Variants in STK32C observed in about 807,000 individuals in gnomAD.
STK32C encodes serine/threonine kinase 32C.
A neutral mutation model predicts 56.5 loss-of-function variants in STK32C; 31 were observed. The ratio of observed to expected loss-of-function variants is 0.55; its 90% CI spans 0.41 to 0.74. The LOEUF is 0.74. Among genes scored for constraint, STK32C ranks in the 30% least tolerant of loss-of-function variants. The pLI, the probability that STK32C is intolerant of heterozygous loss-of-function variation, is 0.00. For missense variants in STK32C, 544 were observed against 676.9 expected (o/e 0.80, Z 2.18); for synonymous variants, 309 against 289.4 (o/e 1.07, Z -0.69).
At chr10:132,302,621 G>A (rs1311936091) in intron 1 of STK32C, among the ~76,000 whole-genome samples, 1 of 152,194 alleles carries the variant, frequency 6.6e-6, no homozygotes, top group Non-Finnish European at 1.5e-5. Flanking sequence ...TGGGGGATGG[G>A]TGTCTGGGCC....
upstream of STK32C, chr10:132,331,975 T>G (rs1297033928): frequency 1.2e-3 from 370 of 299,572 alleles, 1 homozygote; most frequent in African/African-American, 0.018. Context: ...CCCCGCCCCC[T>G]CCCGGGCAGG....
At chr10:132,259,012 G>A (rs1399432939) in intron 1 of STK32C, among the ~76,000 whole-genome samples, 1 of 152,136 alleles carries the variant, frequency 6.6e-6, no homozygotes, top group Non-Finnish European at 1.5e-5. Flanking sequence ...ACATGAACAG[G>A]GCTATAGCTT....
intron 10 of STK32C, among the ~76,000 whole-genome samples, chr10:132,220,024 C>T (rs2062585947): frequency 6.6e-6 from 1 of 152,198 alleles, no homozygotes; most frequent in Admixed American, 6.5e-5. Flanking sequence ...TGAATATCAG[C>T]CACATCCTGG....
chr10:132,263,705 A>C (rs968255919), intron 1 of STK32C, among the ~76,000 whole-genome samples: 2 of 148,164 alleles, frequency 1.3e-5, no homozygotes, highest in Non-Finnish European at 3.0e-5. Context: ...AAAAAATACA[A>C]AAAAAAAAAA....
At chr10:132,231,555 T>C (rs376512776) in intron 2 of STK32C, among the ~76,000 whole-genome samples, 65 of 152,252 alleles carry the variant, frequency 4.3e-4, no homozygotes, top group African/African-American at 1.3e-3. Context: ...AACGCCTCGA[T>C]CCCTCACAGC....
chr10:132,251,537 TACCCCACCTC>T (rs930173110), intron 1 of STK32C, among the ~76,000 whole-genome samples: 3 of 151,416 alleles, frequency 2.0e-5, no homozygotes, highest in Admixed American at 6.6e-5. Context: ...ACCATCTCTT[TACCCCACCTC>T]GCCCCACACT....
At chr10:132,331,872 C>A, upstream of STK32C, 1 of 1,261,602 alleles carries the variant, frequency 7.9e-7, no homozygotes. Context: ...CGCGTGCGTG[C>A]GCAGGCGCAC....
At position 132,207,815 on chromosome 10, in the gene STK32C, A is replaced by G. The variant is rs943448744; in HGVS notation, c.*195T>C. On this transcript the variant is annotated 3_prime_UTR_variant, in exon 12 of 12. Coordinates refer to ENST00000298630, the MANE Select transcript of STK32C (RefSeq NM_173575.4). The stretch of plus-strand genomic sequence containing the variant: ...GGGGCCCACGGGAAATGCCCTCCAC[A>G]GGTGTCCCCTGCACCCACAGCCTCT... The G allele has an allele frequency of 1.3e-5, 8 of 629,688 alleles. No homozygotes were observed. The highest frequency in any genetic ancestry group is 1.8e-5 in the Non-Finnish European group (8 of 439,424). The allele number at this position is 629,688 out of a possible 1,614,324, so 39.0% of individuals were successfully genotyped here.
At chr10:132,244,473 G>T (rs1323572055) in intron 2 of STK32C, among the ~76,000 whole-genome samples, 1 of 152,196 alleles carries the variant, frequency 6.6e-6, no homozygotes, top group Non-Finnish European at 1.5e-5. Flanking sequence ...AGAGGCGGGG[G>T]CAACAGGGGC....
chr10:132,329,122 G>A (rs796900088), intron 1 of STK32C, among the ~76,000 whole-genome samples: 74 of 152,320 alleles, frequency 4.9e-4, no homozygotes, highest in African/African-American at 1.7e-3. Flanking sequence ...TGTCTACCCC[G>A]GGCAGTGGCT....
Position 132,234,723 on chromosome 10 carries a change from G to C in STK32C, c.319-6595C>G, listed in dbSNP as rs375689346. 2.0e-5 allele frequency among the ~76,000 whole-genome samples: 3 copies of C among 152,316 alleles called. No individual in the cohort carries two copies. In the South Asian group the frequency reaches 6.2e-4, roughly 32 times the overall value. ...AGGGACCACCTCTTCTTGCATCTCT[G>C]GCTGCCTCGAGCCTGTGGCTCTCAT... On this transcript the variant is annotated intron_variant, in intron 2 of 11. Transcript: ENST00000298630.
chr10:132,293,079 G>A (rs539703633), intron 1 of STK32C, among the ~76,000 whole-genome samples: 3 of 152,380 alleles, frequency 2.0e-5, no homozygotes, highest in Admixed American at 6.5e-5. Context: ...ATCAGCAAGC[G>A]GGGAGCACGG....
intron 1 of STK32C, among the ~76,000 whole-genome samples, chr10:132,271,460 C>T (rs1259980191): frequency 6.6e-6 from 1 of 152,216 alleles, no homozygotes; most frequent in Non-Finnish European, 1.5e-5. Context: ...GCTGTGCCCA[C>T]GCCCTGCCTC....
intron 1 of STK32C, among the ~76,000 whole-genome samples, chr10:132,259,498 G>A (rs1229781264): frequency 6.6e-6 from 1 of 152,130 alleles, no homozygotes; most frequent in African/African-American, 2.4e-5. Context: ...GGATCATGGG[G>A]TGGAGTTCCC....
At chr10:132,324,625 T>C (rs2066463086) in intron 1 of STK32C, among the ~76,000 whole-genome samples, 3 of 152,198 alleles carry the variant, frequency 2.0e-5, no homozygotes, top group Non-Finnish European at 4.4e-5. Context: ...TTTTACATTT[T>C]AAAAAAAGAC....
chr10:132,287,218 C>T (rs533991142), intron 1 of STK32C, among the ~76,000 whole-genome samples: 15 of 152,194 alleles, frequency 9.9e-5, no homozygotes, highest in African/African-American at 3.6e-4. Context: ...TTTGGCCAGG[C>T]ACGGTGGCTC....
intron 1 of STK32C, among the ~76,000 whole-genome samples, chr10:132,247,305 A>G (rs542346559): frequency 6.6e-6 from 1 of 152,300 alleles, no homozygotes; most frequent in Non-Finnish European, 1.5e-5. Context: ...TCTGAACTGG[A>G]AAATGCCCAC....
intron 1 of STK32C, among the ~76,000 whole-genome samples, chr10:132,314,041 T>C (rs1465782512): frequency 6.6e-6 from 1 of 152,186 alleles, no homozygotes; most frequent in Non-Finnish European, 1.5e-5. Flanking sequence ...AGGGCATCCA[T>C]GGAGCAGCAG....
intron 2 of STK32C, among the ~76,000 whole-genome samples, chr10:132,242,682 C>T (rs1052583862): frequency 1.3e-5 from 2 of 152,206 alleles, no homozygotes; most frequent in African/African-American, 4.8e-5. Flanking sequence ...TCCCAGCCTG[C>T]ACATCAGCCC....
Sources: allele counts gnomAD v4.1 joint callset (sites outside exome capture counted in the v4.1 genomes callset), GRCh38; gene constraint gnomAD v4.1.1; transcripts MANE v1.5; gene names NCBI Gene and HGNC (gene_info 2026-07-23, HGNC 2026-07-21).